CDCA7L: variants seen among roughly 807,000 people sequenced by gnomAD.
CDCA7L encodes cell division cycle-associated 7-like protein.
In CDCA7L, 44 loss-of-function variants were observed where a neutral mutation model predicts 57.4. That is an observed-to-expected ratio of 0.77 (90% CI 0.60 to 0.98). The LOEUF (loss-of-function observed/expected upper bound fraction) is 0.98, where lower values mean the gene tolerates loss of function less well. Among genes scored for constraint, CDCA7L ranks in the 50% least tolerant of loss-of-function variants. CDCA7L has a pLI of 0.00. For synonymous variants in CDCA7L, 236 were observed against 202.8 expected (o/e 1.16, Z -1.39); for missense variants, 644 against 580.6 (o/e 1.11, Z -1.12).
At chr7:21,912,468 C>T (rs1192190281) in intron 2 of CDCA7L, among the ~76,000 whole-genome samples, 2 of 152,180 alleles carry the variant, frequency 1.3e-5, no homozygotes, top group African/African-American at 4.8e-5. Flanking sequence ...AGCTGGCAAC[C>T]AGACACGTCT....
chr7:21,925,743 G>C (rs939088997), intron 1 of CDCA7L, among the ~76,000 whole-genome samples: 1 of 152,034 alleles, frequency 6.6e-6, no homozygotes, highest in Admixed American at 6.6e-5. Flanking sequence ...TAAAAAATTA[G>C]CCAGGCATAG....
intron 3 of CDCA7L, 152 bp downstream of exon 3, chr7:21,911,465 G>T: frequency 2.3e-6 from 2 of 860,622 alleles, no homozygotes; most frequent in Non-Finnish European, 3.4e-6. Context: ...TAGCCTTCCA[G>T]GAGCAATTTT....
intron 2 of CDCA7L, among the ~76,000 whole-genome samples, chr7:21,913,319 G>A (rs1267005229): frequency 2.6e-5 from 4 of 151,646 alleles, no homozygotes; most frequent in Non-Finnish European, 2.9e-5. Context: ...GTTGATAGCT[G>A]TAGTGCAGCT....
At position 21,902,299 on chromosome 7, in the gene CDCA7L, G is replaced by GGCTGGTTCTGTTTGTTTTCCTCTT; in HGVS notation, c.1364_*22dup. On this transcript the variant is annotated 3_prime_UTR_variant, in exon 10 of 10. Coordinates refer to ENST00000406877, the MANE Select transcript of CDCA7L (RefSeq NM_018719.5). The stretch of plus-strand genomic sequence containing the variant: ...TTGTTGGAGTACTCTATGGTGAGGT[G>GGCTGGTTCTGTTTGTTTTCCTCTT]GCTGGTTCTGTTTGTTTTCCTCTTA... 1 of 1,610,610 alleles carries GGCTGGTTCTGTTTGTTTTCCTCTT rather than the reference G, an allele frequency of 6.2e-7. No individual in the cohort carries two copies. The highest frequency in any genetic ancestry group is 1.1e-5 in the South Asian group (1 of 91,032).
intron 1 of CDCA7L, among the ~76,000 whole-genome samples, chr7:21,920,190 C>A (rs1282640361): frequency 1.3e-5 from 2 of 152,172 alleles, no homozygotes; most frequent in Admixed American, 6.5e-5. Context: ...GCAAAAAGGG[C>A]AAATAATCTT....
intron 1 of CDCA7L, among the ~76,000 whole-genome samples, chr7:21,927,324 A>G (rs1785860070): frequency 1.3e-5 from 2 of 150,312 alleles, no homozygotes; most frequent in Admixed American, 1.3e-4. Context: ...AGAGAAATGA[A>G]GAAGGACTCC....
intron 1 of CDCA7L, among the ~76,000 whole-genome samples, chr7:21,933,654 G>A (rs1786080965): frequency 6.6e-6 from 1 of 152,120 alleles, no homozygotes; most frequent in South Asian, 2.1e-4. Context: ...GGCCCGTCGG[G>A]GTTGGGGGAC....
chr7:21,903,317 C>T (rs1385413720), intron 8 of CDCA7L, among the ~76,000 whole-genome samples: 1 of 152,096 alleles, frequency 6.6e-6, no homozygotes, highest in African/African-American at 2.4e-5. Flanking sequence ...AAAATGACAC[C>T]TTTTAGGGCT....
intron 8 of CDCA7L, among the ~76,000 whole-genome samples, chr7:21,903,507 G>A (rs1470914102): frequency 1.3e-5 from 2 of 152,116 alleles, no homozygotes; most frequent in African/African-American, 4.8e-5. Flanking sequence ...ACTAACCTGA[G>A]CAGCAGTTTG....
rs1173390237 is a variant in CDCA7L at position 21,903,115 on chromosome 7, C to G, written c.1198-1G>C. Reference sequence around the variant, plus strand: ...CACGACAGGGGGGACACACCCAATCCTAACAGAGAGATGACAGCAGACACT... The same window carrying G: ...CACGACAGGGGGGACACACCCAATCGTAACAGAGAGATGACAGCAGACACT... On this transcript the variant is annotated splice_acceptor_variant, in intron 8 of 9. Coordinates refer to ENST00000406877, the MANE Select transcript of CDCA7L (RefSeq NM_018719.5). LOFTEE classifies it high-confidence loss of function. 1 of 1,613,006 alleles carries G rather than the reference C, an allele frequency of 6.2e-7. No homozygotes were observed. Among genetic ancestry groups the G allele is most frequent in the South Asian group, 1.1e-5 (1 of 90,918 alleles).
chr7:21,913,350 C>T (rs1785391507), intron 2 of CDCA7L, among the ~76,000 whole-genome samples: 3 of 150,886 alleles, frequency 2.0e-5, no homozygotes, highest in Admixed American at 6.6e-5. Flanking sequence ...AAAAATTGCA[C>T]ACACAAAAGG....
At chr7:21,920,275 C>T (rs1442490351) in intron 1 of CDCA7L, among the ~76,000 whole-genome samples, 1 of 152,218 alleles carries the variant, frequency 6.6e-6, no homozygotes, top group Non-Finnish European at 1.5e-5. Context: ...ACACTTTGAC[C>T]ACTGCACTAG....
chr7:21,908,924 G>A (rs1785228655), intron 3 of CDCA7L, among the ~76,000 whole-genome samples: 1 of 152,176 alleles, frequency 6.6e-6, no homozygotes, highest in African/African-American at 2.4e-5. Context: ...ATGCTGACTG[G>A]TCTCCTCTAA....
intron 3 of CDCA7L, among the ~76,000 whole-genome samples, chr7:21,908,977 A>G (rs746518465): frequency 6.6e-6 from 1 of 152,192 alleles, no homozygotes; most frequent in Non-Finnish European, 1.5e-5. Context: ...GGGAGAGCTG[A>G]CTGCACCTCA....
In CDCA7L at chr7:21,921,350, A is replaced by AAAAAC. The variant is rs1203702334; in HGVS notation, c.25-4457_25-4456insGTTTT. On this transcript the variant is annotated intron_variant, in intron 1 of 9. Coordinates refer to ENST00000406877, the MANE Select transcript of CDCA7L (RefSeq NM_018719.5). ...CAAGCTTCAAGATTTGCCAAAAAAA[A>AAAAAC]AAAAAAAACTGTAAAATATTCAAGT... is the stretch of plus-strand genomic sequence containing the variant. 7.9e-5 allele frequency among the ~76,000 whole-genome samples: 12 copies of AAAAAC among 151,784 alleles called. 1 individual carries two copies. The highest frequency in any genetic ancestry group is 2.9e-4 in the African/African-American group (12 of 41,348).
At chr7:21,942,682 T>C (rs13226917) in intron 1 of CDCA7L, among the ~76,000 whole-genome samples, 26,310 of 152,222 alleles carry the variant, frequency 0.17, 2,652 homozygotes, top group Non-Finnish European at 0.23. Context: ...TCCTGGCCTG[T>C]GTACCTGATC....
intron 2 of CDCA7L, among the ~76,000 whole-genome samples, chr7:21,914,586 G>A (rs1785426135): frequency 6.6e-6 from 1 of 152,206 alleles, no homozygotes; most frequent in Non-Finnish European, 1.5e-5. Context: ...GGGCAGAACA[G>A]TGGATAATGA....
In CDCA7L at chr7:21,901,512, T is replaced by G; in HGVS notation, c.*810A>C. 3.1e-6 allele frequency: 1 copy of G among 319,626 alleles called. No homozygotes were observed. Among genetic ancestry groups the G allele is most frequent in the East Asian group, 6.4e-5 (1 of 15,548 alleles). The allele number at this position is 319,626 out of a possible 1,614,324, so 19.8% of individuals were successfully genotyped here. A position where few individuals can be genotyped will look rare whatever the true frequency, so the allele number is the denominator to read the frequency against. The stretch of plus-strand genomic sequence containing the variant: ...TGAACCTAGGAGGCAAAGGTTGCAG[T>G]GAGCCGAGGTTGCACCACTGCACTC... On this transcript the variant is annotated 3_prime_UTR_variant, in exon 10 of 10. Transcript: ENST00000406877.
At chr7:21,912,638 G>A (rs894773331) in intron 2 of CDCA7L, among the ~76,000 whole-genome samples, 5 of 152,140 alleles carry the variant, frequency 3.3e-5, no homozygotes, top group African/African-American at 1.2e-4. Flanking sequence ...TTCTCTGTAG[G>A]AAAAGGCTGG....
Sources: gnomAD v4.1 joint callset for allele counts (sites outside exome capture counted in the v4.1 genomes callset) on GRCh38, gnomAD v4.1.1 for gene constraint, MANE v1.5 for transcripts, NCBI Gene and HGNC (gene_info 2026-07-23, HGNC 2026-07-21) for gene names.